The following PELP1 variants were observed in gnomAD, a reference collection of about 807,000 sequenced individuals.
PELP1 encodes the protein proline, glutamate and leucine rich protein 1.
PELP1 carries 32 observed loss-of-function variants against 95.5 expected under a neutral mutation model. That is an observed-to-expected ratio of 0.34 (90% CI 0.25 to 0.45). PELP1 has a LOEUF of 0.45. Among genes scored for constraint, PELP1 ranks in the 20% least tolerant of loss-of-function variants. The pLI is 1.00. For synonymous variants in PELP1, 668 were observed against 600.1 expected, an observed-to-expected ratio of 1.11 and a Z score of -1.65; for missense variants, 1,358 against 1,444.8, an observed-to-expected ratio of 0.94 and a Z score of 0.97.
intron 5 of PELP1, among the ~76,000 whole-genome samples, chr17:4,678,542 G>A (rs945734393): frequency 8.5e-5 from 13 of 152,166 alleles, no homozygotes; most frequent in African/African-American, 1.4e-4. Flanking sequence ...AGCAGTGTAC[G>A]GTGAAGCGAC....
At chr17:4,683,507 T>TG (rs1912788425) in intron 3 of PELP1, among the ~76,000 whole-genome samples, 1 of 145,280 alleles carries the variant, frequency 6.9e-6, no homozygotes, top group Non-Finnish European at 1.5e-5. Context: ...GTGTGAGCCA[T>TG]CACGCCCAGC....
chr17:4,673,436 G>A lies in PELP1; in HGVS notation c.1659C>T (p.Leu553=). The stretch of plus-strand genomic sequence containing the variant: ...CCTGCTGTACACCCATGACCAGGGG[G>A]AGGACCAGGTCATGCAGTCTCTGAA... The part of the protein sequence containing the change: ...ETHRRLHDLV[L]PLVMGVQQGE... The change falls in exon 15 of 17, where the codon CTC becomes CTT. Residue 553 remains leucine (L), a synonymous_variant. Coordinates refer to ENST00000572293, the MANE Select transcript of PELP1 (RefSeq NM_014389.3). This position sits in a 1 kb window ranked among gnomAD's most constrained non-coding sequence, Gnocchi z 5.7. The A allele has an allele frequency of 1.3e-6, 2 of 1,592,838 alleles. No individual in the cohort carries two copies. Among genetic ancestry groups the A allele is most frequent in the South Asian group, 1.1e-5 (1 of 88,044 alleles).
In PELP1 at chr17:4,672,201, C is replaced by T; in HGVS notation, c.2790G>A (p.Glu930=). The part of the protein sequence containing the change: ...YFEEEEEEEE[E]FEEEFEEEEG... ...CTTCTTCCTCAAATTCTTCCTCAAA[C>T]TCTTCTTCCTCCTCTTCTTCCTCTT... Residue 930 remains glutamate (E), a synonymous_variant, in exon 16 of 17, where the codon GAG becomes GAA. Coordinates refer to ENST00000572293, the MANE Select transcript of PELP1 (RefSeq NM_014389.3). The T allele has an allele frequency of 8.4e-6, 13 of 1,552,418 alleles. No individual in the cohort carries two copies. The highest frequency in any genetic ancestry group is 1.1e-5 in the Non-Finnish European group (13 of 1,147,376).
At chr17:4,698,116 G>C (rs1176997336) in intron 1 of PELP1, among the ~76,000 whole-genome samples, 1 of 148,266 alleles carries the variant, frequency 6.7e-6, no homozygotes, top group Non-Finnish European at 1.5e-5. Flanking sequence ...CTAAGCCTCT[G>C]AATCTCATGC....
intron 3 of PELP1, among the ~76,000 whole-genome samples, chr17:4,689,574 AC>A (rs906116683): frequency 3.0e-4 from 45 of 152,354 alleles, no homozygotes; most frequent in Admixed American, 2.6e-3. Flanking sequence ...AAACATCACT[AC>A]CATTTGATCC....
At chr17:4,703,784 G>A in intron 1 of PELP1, 79 bp downstream of exon 1, 2 of 1,281,400 alleles carry the variant, frequency 1.6e-6, no homozygotes, top group East Asian at 2.5e-5. Flanking sequence ...TATCGCACTT[G>A]CACTGCACCG....
chr17:4,683,062 G>A lies in PELP1; in HGVS notation c.421-110C>T, dbSNP rs944868035. The A allele has an allele frequency of 1.7e-4, 224 of 1,356,174 alleles. 1 individual carries two copies. Among genetic ancestry groups the A allele is most frequent in the Non-Finnish European group, 2.1e-4 (217 of 1,050,508 alleles). The allele number at this position is 1,356,174 out of a possible 1,614,324, so 84.0% of individuals were successfully genotyped here. ...GGAATGCCACGGTTAATGTCAGTCT[G>A]ACCATCCAAGCCACTACCTGGCAGA... On this transcript the variant is annotated intron_variant, in intron 3 of 16. Transcript: ENST00000572293.
In PELP1 at chr17:4,671,192, C is replaced by T. The variant is rs1912183087; in HGVS notation, c.*247G>A. 5.5e-6 allele frequency: 3 copies of T among 548,366 alleles called. No individual in the cohort carries two copies. Among genetic ancestry groups the T allele is most frequent in the Non-Finnish European group, 9.7e-6 (3 of 307,866 alleles). The allele number at this position is 548,366 out of a possible 1,614,324, so 34.0% of individuals were successfully genotyped here. A position where few individuals can be genotyped will look rare whatever the true frequency, so the allele number is the denominator to read the frequency against. On this transcript the variant is annotated 3_prime_UTR_variant, in exon 17 of 17. Transcript: ENST00000572293. ...GCACGTTTAGCATCCAGCCAGAATC[C>T]TACAATTCTGACACCATCGTGCTGA...
intron 3 of PELP1, among the ~76,000 whole-genome samples, chr17:4,690,395 A>G (rs972701899): frequency 5.3e-5 from 8 of 152,080 alleles, no homozygotes; most frequent in African/African-American, 1.9e-4. Context: ...ATGTAACCAA[A>G]CACCACCTGT....
Position 4,700,922 on chromosome 17 carries a change from C to T in PELP1, c.249+2941G>A, listed in dbSNP as rs529313515. ...CTCCAGCCTGAGTTAGAGTAAGGCC[C>T]TATCTCAAAAAAAAAAAAAAGAAAA... On this transcript the variant is annotated intron_variant, in intron 1 of 16. Transcript: ENST00000572293. 4.0e-5 allele frequency among the ~76,000 whole-genome samples: 3 copies of T among 74,886 alleles called. No individual in the cohort carries two copies. The East Asian group carries it at 9.1e-4, about 23-fold the overall frequency. The allele number at this position is 74,886 out of a possible 152,430, so 49.1% of individuals were successfully genotyped here. A position where few individuals can be genotyped will look rare whatever the true frequency, so the allele number is the denominator to read the frequency against.
intron 5 of PELP1, 49 bp downstream of exon 5, chr17:4,682,451 AAG>A (rs748999270): frequency 2.1e-5 from 24 of 1,153,368 alleles, no homozygotes; most frequent in Non-Finnish European, 3.2e-5. Flanking sequence ...AATCTGAGGT[AAG>A]AGCTCTCAAC....
At chr17:4,700,775 A>T (rs145682158) in intron 1 of PELP1, among the ~76,000 whole-genome samples, 70 of 151,890 alleles carry the variant, frequency 4.6e-4, no homozygotes, top group South Asian at 6.3e-4. Flanking sequence ...AAAAATTTTT[A>T]AATTAGCCAG....
chr17:4,703,402 A>G (rs1482962086), intron 1 of PELP1, among the ~76,000 whole-genome samples: 1 of 152,124 alleles, frequency 6.6e-6, no homozygotes, highest in Non-Finnish European at 1.5e-5. Context: ...CTGATATTCA[A>G]TTCTCATCTT....
intron 3 of PELP1, chr17:4,683,169 A>G (rs1485100611): frequency 6.3e-6 from 6 of 949,872 alleles, no homozygotes; most frequent in African/African-American, 1.7e-5. Context: ...GTGTGGGGGA[A>G]AAAAAGAGTA....
rs1456939238 is a variant in PELP1, at chr17:4,671,774, T to G, written c.3217A>C (p.Ser1073Arg). Residue 1073 changes from serine to arginine, a missense_variant, in exon 16 of 17, where the codon AGT becomes CGT. Coordinates refer to ENST00000572293, the MANE Select transcript of PELP1 (RefSeq NM_014389.3). ...TCTGGTGGGGGCTGCACCTTGTCAC[T>G]CCCATCCTCAGTCTCCTCTTCCAAC... ...TLLEEETEDG[S>R]DKVQPPPETP... 7 of 1,517,822 alleles carry G rather than the reference T, an allele frequency of 4.6e-6. No individual in the cohort carries two copies. In the African/African-American group the frequency reaches 8.4e-5, roughly 18 times the overall value. The allele number at this position is 1,517,822 out of a possible 1,614,324, so 94.0% of individuals were successfully genotyped here.
chr17:4,671,980 C>CCGGGTT lies in PELP1; in HGVS notation c.3005_3010dup (p.Glu1002_Pro1003dup), dbSNP rs779206705. The stretch of plus-strand genomic sequence containing the variant: ...TGGCTCCTCCACTTCCAAAAGCAGC[C>CCGGGTT]CGGGTTCAGGTTCGGGTTCTGGCTG... On this transcript the variant is annotated inframe_insertion, in exon 16 of 17. Coordinates refer to ENST00000572293, the MANE Select transcript of PELP1 (RefSeq NM_014389.3). 3.9e-6 allele frequency: 6 copies of CCGGGTT among 1,544,346 alleles called. No individual in the cohort carries two copies. The highest frequency in any genetic ancestry group is 2.2e-5 in the East Asian group (1 of 44,464).
intron 1 of PELP1, among the ~76,000 whole-genome samples, chr17:4,700,769 A>T (rs980670496): frequency 2.6e-5 from 4 of 151,620 alleles, no homozygotes; most frequent in Non-Finnish European, 2.9e-5. Flanking sequence ...TACAAAAAAA[A>T]TTTTTAAATT....
At chr17:4,701,514 AC>A (rs1335942601) in intron 1 of PELP1, among the ~76,000 whole-genome samples, 1 of 152,152 alleles carries the variant, frequency 6.6e-6, no homozygotes, top group Non-Finnish European at 1.5e-5. Flanking sequence ...AGGTAAGGAG[AC>A]CCGTTAGAAG....
chr17:4,696,261 G>A (rs1913292958), intron 1 of PELP1, among the ~76,000 whole-genome samples: 2 of 152,118 alleles, frequency 1.3e-5, no homozygotes, highest in South Asian at 4.1e-4. Context: ...GACCCCGGGA[G>A]GTCAAGACTG....
Sources: allele counts gnomAD v4.1 joint callset (sites outside exome capture counted in the v4.1 genomes callset), GRCh38; gene constraint gnomAD v4.1.1; non-coding constraint Gnocchi (gnomAD v3.1); transcripts MANE v1.5; gene names NCBI Gene and HGNC (gene_info 2026-07-23, HGNC 2026-07-21).